SEMA6D: variants seen among roughly 807,000 people sequenced by gnomAD.
The protein encoded by SEMA6D is semaphorin 6D, also known as semaphorin-6D.
A neutral mutation model predicts 106.6 loss-of-function variants in SEMA6D; 35 were observed. That is an observed-to-expected ratio of 0.33 (90% CI 0.25 to 0.44). SEMA6D has a LOEUF of 0.44. Among genes scored for constraint, SEMA6D ranks in the 20% least tolerant of loss-of-function variants. The pLI is 1.00. For missense variants in SEMA6D, 1,185 were observed against 1,345.9 expected (o/e 0.88, Z 1.87); for synonymous variants, 499 against 487.7 (o/e 1.02, Z -0.31).
intron 1 of SEMA6D, among the ~76,000 whole-genome samples, chr15:47,303,099 AAT>A (rs1396070181): frequency 6.6e-6 from 1 of 152,220 alleles, no homozygotes; most frequent in African/African-American, 2.4e-5. Flanking sequence ...ACATGTGAGA[AAT>A]AGCCTTTTCT....
chr15:47,729,660 A>G (rs980797486), intron 1 of SEMA6D, among the ~76,000 whole-genome samples: 2 of 152,194 alleles, frequency 1.3e-5, no homozygotes, highest in African/African-American at 4.8e-5. Flanking sequence ...ACAGAGGCCA[A>G]TCAGAAAATC....
intron 1 of SEMA6D, among the ~76,000 whole-genome samples, chr15:47,384,369 C>T (rs2039744729): frequency 6.6e-6 from 1 of 152,238 alleles, no homozygotes; most frequent in South Asian, 2.1e-4. Flanking sequence ...CTTCACCTTT[C>T]TCTTTTCCCT....
chr15:47,429,360 A>G (rs143474807), intron 2 of SEMA6D, among the ~76,000 whole-genome samples: 352 of 152,268 alleles, frequency 2.3e-3, no homozygotes, highest in African/African-American at 8.2e-3. Flanking sequence ...GGAAGTTAGT[A>G]AAATGTTAGG....
At chr15:47,485,430 T>C (rs750855970) in intron 3 of SEMA6D, among the ~76,000 whole-genome samples, 13 of 151,666 alleles carry the variant, frequency 8.6e-5, no homozygotes, top group Middle Eastern at 6.8e-3. Flanking sequence ...CCCACCCCCA[T>C]TCAAAAAAAA....
chr15:47,426,114 T>A (rs1455199892), intron 2 of SEMA6D, among the ~76,000 whole-genome samples: 2 of 152,180 alleles, frequency 1.3e-5, no homozygotes, highest in African/African-American at 4.8e-5. Context: ...GGTTTCCAAA[T>A]TCTACAAAAA....
At chr15:47,346,978 A>T (rs2038071248) in intron 1 of SEMA6D, among the ~76,000 whole-genome samples, 1 of 151,762 alleles carries the variant, frequency 6.6e-6, no homozygotes, top group African/African-American at 2.4e-5. Context: ...ATGCCATCTC[A>T]GCTCACTGCA....
chr15:47,440,666 CG>C (rs1282056019), intron 2 of SEMA6D, among the ~76,000 whole-genome samples: 1 of 151,264 alleles, frequency 6.6e-6, no homozygotes, highest in Non-Finnish European at 1.5e-5. Flanking sequence ...AAAAAAAAGA[CG>C]GGTGTTGAAT....
intron 1 of SEMA6D, among the ~76,000 whole-genome samples, chr15:47,276,847 G>T (rs1453925064): frequency 6.6e-6 from 1 of 152,112 alleles, no homozygotes; most frequent in East Asian, 1.9e-4. Flanking sequence ...AAGGATCTGG[G>T]CAAAGTAAAA....
chr15:47,357,910 G>A (rs1034610650), intron 1 of SEMA6D, among the ~76,000 whole-genome samples: 12 of 152,172 alleles, frequency 7.9e-5, no homozygotes, highest in Admixed American at 6.5e-5. Flanking sequence ...CAGCCAACAT[G>A]GAGGTGATTT....
intron 1 of SEMA6D, among the ~76,000 whole-genome samples, chr15:47,200,790 A>G (rs532035405): frequency 6.6e-6 from 1 of 152,354 alleles, no homozygotes; most frequent in South Asian, 2.1e-4. Context: ...ATTTATAGGT[A>G]GAAAAAGAAA....
At chr15:47,568,035 T>G (rs1225094304) in intron 3 of SEMA6D, among the ~76,000 whole-genome samples, 2 of 152,198 alleles carry the variant, frequency 1.3e-5, no homozygotes, top group Admixed American at 6.5e-5. Flanking sequence ...AGTGAAATTT[T>G]TAAAACAATT....
At chr15:47,604,431 C>T (rs538821330) in intron 4 of SEMA6D, among the ~76,000 whole-genome samples, 1 of 152,240 alleles carries the variant, frequency 6.6e-6, no homozygotes, top group Non-Finnish European at 1.5e-5. Context: ...AAGTGGGTAT[C>T]CTTCCACTAC....
intron 1 of SEMA6D, among the ~76,000 whole-genome samples, chr15:47,396,094 G>GCAA (rs1453772863): frequency 2.6e-5 from 4 of 152,052 alleles, no homozygotes. Context: ...GAGCAAGAAG[G>GCAA]CAACCCTCTG....
At chr15:47,443,865 C>G (rs2041950673) in intron 2 of SEMA6D, among the ~76,000 whole-genome samples, 1 of 143,108 alleles carries the variant, frequency 7.0e-6, no homozygotes, top group Non-Finnish European at 1.6e-5. Context: ...GGAAAACTGT[C>G]TTCTTGGCAT....
At chr15:47,499,875 T>C (rs997612845) in intron 3 of SEMA6D, among the ~76,000 whole-genome samples, 11 of 152,076 alleles carry the variant, frequency 7.2e-5, no homozygotes, top group African/African-American at 2.7e-4. Context: ...CAAGCTTTTT[T>C]TTTGTTTTAA....
intron 1 of SEMA6D, among the ~76,000 whole-genome samples, chr15:47,405,085 A>G (rs1385297124): frequency 6.6e-6 from 1 of 152,092 alleles, no homozygotes; most frequent in South Asian, 2.1e-4. Flanking sequence ...AGCAGTGCAA[A>G]GGCAGGGCAT....
intron 4 of SEMA6D, among the ~76,000 whole-genome samples, chr15:47,655,830 T>G (rs1038942582): frequency 8.5e-5 from 13 of 152,250 alleles, no homozygotes; most frequent in African/African-American, 3.1e-4. Context: ...TGCCAAAATA[T>G]ATTTATAATT....
chr15:47,644,780 AAACT>A (rs1389402665), intron 4 of SEMA6D, among the ~76,000 whole-genome samples: 2 of 152,204 alleles, frequency 1.3e-5, no homozygotes, highest in African/African-American at 2.4e-5. Context: ...AGCACCAAAC[AAACT>A]AAGACAGGGG....
intron 1 of SEMA6D, among the ~76,000 whole-genome samples, chr15:47,324,510 A>G (rs2037047952): frequency 6.6e-6 from 1 of 152,114 alleles, no homozygotes; most frequent in South Asian, 2.1e-4. Context: ...AGCACTCCAT[A>G]GGGAAAATGT....
Sources: allele counts gnomAD v4.1 joint callset (sites outside exome capture counted in the v4.1 genomes callset), GRCh38; gene constraint gnomAD v4.1.1; transcripts MANE v1.5; gene names NCBI Gene and HGNC (gene_info 2026-07-23, HGNC 2026-07-21).